Variants in RBFOX1 observed in about 807,000 individuals in gnomAD.
The protein encoded by RBFOX1 is RNA binding fox-1 homolog 1.
RBFOX1 carries 8 observed loss-of-function variants against 57.7 expected under a neutral mutation model. That is an observed-to-expected ratio of 0.14 (90% CI 0.08 to 0.25). The LOEUF (loss-of-function observed/expected upper bound fraction) is 0.25. Ranked by LOEUF, RBFOX1 falls within the 10% of genes least tolerant of loss-of-function variation. The pLI, the probability that RBFOX1 is intolerant of heterozygous loss-of-function variation, is 1.00. For synonymous variants in RBFOX1, 326 were observed against 222.4 expected (o/e 1.47, Z -4.15); for missense variants, 611 against 548.5 (o/e 1.11, Z -1.14).
intron 3 of RBFOX1, among the ~76,000 whole-genome samples, chr16:6,755,364 G>C (rs1264233269): frequency 6.6e-6 from 1 of 152,190 alleles, no homozygotes; most frequent in South Asian, 2.1e-4. Context: ...TCCAGCACCT[G>C]TTGTTTCCTG....
intron 3 of RBFOX1, among the ~76,000 whole-genome samples, chr16:7,026,046 A>G (rs56920045): frequency 0.059 from 8,922 of 152,194 alleles, 876 homozygotes; most frequent in African/African-American, 0.2. Context: ...AGGGAAAACA[A>G]AAGGACTAGC....
intron 3 of RBFOX1, among the ~76,000 whole-genome samples, chr16:5,647,125 A>G (rs530212605): frequency 6.6e-6 from 1 of 152,300 alleles, no homozygotes; most frequent in African/African-American, 2.4e-5. Flanking sequence ...GTGTGTTTTA[A>G]TGCATCAGTG....
chr16:6,615,912 A>C (rs752896381), intron 2 of RBFOX1, among the ~76,000 whole-genome samples: 2 of 152,130 alleles, frequency 1.3e-5, no homozygotes, highest in Non-Finnish European at 2.9e-5. Context: ...CCCATCCCTC[A>C]TAACCTCCCT....
chr16:7,271,288 G>T (rs1311424994), intron 4 of RBFOX1, among the ~76,000 whole-genome samples: 4 of 151,636 alleles, frequency 2.6e-5, no homozygotes, highest in Admixed American at 6.6e-5. Context: ...AACATTCACA[G>T]GCATCTTCCT....
intron 4 of RBFOX1, among the ~76,000 whole-genome samples, chr16:5,985,072 G>A (rs1168351662): frequency 2.1e-5 from 3 of 144,102 alleles, no homozygotes; most frequent in Non-Finnish European, 4.5e-5. Context: ...TTCCACCTCC[G>A]CTTCCCGGGT....
At chr16:7,230,977 G>C (rs1395748404) in intron 4 of RBFOX1, among the ~76,000 whole-genome samples, 1 of 152,112 alleles carries the variant, frequency 6.6e-6, no homozygotes, top group Non-Finnish European at 1.5e-5. Context: ...AGCTGGGTCT[G>C]AGTCCCAGAA....
chr16:6,357,815 G>T (rs1191153972), intron 2 of RBFOX1, among the ~76,000 whole-genome samples: 1 of 152,000 alleles, frequency 6.6e-6, no homozygotes, highest in Non-Finnish European at 1.5e-5. Flanking sequence ...GCCGGGCGTG[G>T]TGGTGGGTGC....
intron 9 of RBFOX1, among the ~76,000 whole-genome samples, chr16:7,604,793 A>G (rs1213758249): frequency 6.6e-6 from 1 of 152,218 alleles, no homozygotes; most frequent in Non-Finnish European, 1.5e-5. Context: ...ACTGATAAGT[A>G]TACCTTCAGT....
chr16:6,989,019 T>A (rs1251832803), intron 3 of RBFOX1, among the ~76,000 whole-genome samples: 1 of 152,082 alleles, frequency 6.6e-6, no homozygotes, highest in Non-Finnish European at 1.5e-5. Context: ...CCCCTCGGAC[T>A]CCCAAAGTGC....
chr16:6,924,166 C>G (rs933361497), intron 3 of RBFOX1, among the ~76,000 whole-genome samples: 10 of 86,924 alleles, frequency 1.2e-4, no homozygotes, highest in South Asian at 4.3e-4. Context: ...GACTCTGTCT[C>G]AAAAATAATA....
chr16:6,637,225 C>CA lies in RBFOX1; in HGVS notation c.-63-17376dup, dbSNP rs1158386040. ...TATATTATATATATTATATAATATA[C>CA]AATATATATTATATATTATATATAT... On this transcript the variant is annotated intron_variant, in intron 2 of 15. Coordinates refer to ENST00000550418, the MANE Select transcript of RBFOX1 (RefSeq NM_018723.4). 2.6e-3 allele frequency among the ~76,000 whole-genome samples: 93 copies of CA among 36,330 alleles called. 5 individuals carry two copies. Among genetic ancestry groups the CA allele is most frequent in the African/African-American group, 8.8e-3 (73 of 8,322 alleles). The allele number at this position is 36,330 out of a possible 152,430, so 23.8% of individuals were successfully genotyped here.
intron 2 of RBFOX1, among the ~76,000 whole-genome samples, chr16:6,538,780 C>A (rs1248657531): frequency 6.6e-6 from 1 of 152,120 alleles, no homozygotes; most frequent in African/African-American, 2.4e-5. Context: ...ATGGCTTCTT[C>A]CAGGGCCTCT....
chr16:5,657,076 G>T (rs2049455792), intron 3 of RBFOX1, among the ~76,000 whole-genome samples: 1 of 152,178 alleles, frequency 6.6e-6, no homozygotes, highest in Admixed American at 6.5e-5. Flanking sequence ...TTCTGCACAT[G>T]TATCCCAGAA....
chr16:6,822,935 C>G (rs1011777616), intron 3 of RBFOX1, among the ~76,000 whole-genome samples: 2 of 152,184 alleles, frequency 1.3e-5, no homozygotes, highest in Non-Finnish European at 2.9e-5. Context: ...GAGGATAGTT[C>G]TGATAACCAT....
chr16:7,131,515 G>C lies in RBFOX1; in HGVS notation c.27+79417G>C, dbSNP rs188521450. On this transcript the variant is annotated intron_variant, in intron 4 of 15. Transcript: ENST00000550418. ...GAGGGAATGAGTACCTGAAAGGATGGAATAAACTCACCATAATCAACCTAG... is the reference window on the plus strand; with the variant it reads ...GAGGGAATGAGTACCTGAAAGGATGCAATAAACTCACCATAATCAACCTAG... Among the ~76,000 whole-genome samples the C allele has an allele frequency of 4.6e-3, 694 of 151,686 alleles. 2 individuals carry two copies. The highest frequency in any genetic ancestry group is 7.1e-3 in the Non-Finnish European group (479 of 67,924).
intron 1 of RBFOX1, among the ~76,000 whole-genome samples, chr16:5,296,154 G>A (rs1212432967): frequency 6.6e-6 from 1 of 152,150 alleles, no homozygotes; most frequent in Non-Finnish European, 1.5e-5. Context: ...CTTGAGCCCT[G>A]AATCTTTTTT....
chr16:5,459,815 C>T (rs1019399999), intron 1 of RBFOX1, among the ~76,000 whole-genome samples: 9 of 152,094 alleles, frequency 5.9e-5, no homozygotes, highest in Non-Finnish European at 7.4e-5. Context: ...TCAGAGACTG[C>T]TTACACTGAG....
intron 2 of RBFOX1, among the ~76,000 whole-genome samples, chr16:6,457,098 C>G (rs1567319020): frequency 6.6e-6 from 1 of 151,940 alleles, no homozygotes. Context: ...TGATGGAGTC[C>G]TCTAGGTAGA....
chr16:5,561,263 C>T (rs533431831), intron 2 of RBFOX1, among the ~76,000 whole-genome samples: 2 of 151,202 alleles, frequency 1.3e-5, no homozygotes, highest in African/African-American at 4.9e-5. Flanking sequence ...AACCAACTTT[C>T]TTTAAAAAAA....
Sources: gnomAD v4.1 joint callset for allele counts (sites outside exome capture counted in the v4.1 genomes callset) on GRCh38, gnomAD v4.1.1 for gene constraint, MANE v1.5 for transcripts, NCBI Gene and HGNC (gene_info 2026-07-23, HGNC 2026-07-21) for gene names.